Variants in NAA15 observed in about 807,000 individuals in gnomAD.
The protein encoded by NAA15 is N-alpha-acetyltransferase 15, NatA auxiliary subunit, also known as N-terminal acetyltransferase.
In NAA15, 34 loss-of-function variants were observed where a neutral mutation model predicts 114.0. The ratio of observed to expected loss-of-function variants is 0.30; its 90% confidence interval spans 0.23 to 0.40. The LOEUF (loss-of-function observed/expected upper bound fraction) is 0.40, where lower values mean the gene tolerates loss of function less well. Ranked by LOEUF, NAA15 falls within the 10% of genes least tolerant of loss-of-function variation. The probability of loss-of-function intolerance (pLI) is 1.00; values close to 1 mark genes in which losing one functional copy is unlikely to be tolerated. For synonymous variants in NAA15, 340 were observed against 338.0 expected, an observed-to-expected ratio of 1.01 and a Z score of -0.06; for missense variants, 658 against 1,004.5, an observed-to-expected ratio of 0.66 and a Z score of 4.66.
At chr4:139,365,339 A>G (rs1274966281) in intron 14 of NAA15, among the ~76,000 whole-genome samples, 5 of 151,938 alleles carry the variant, frequency 3.3e-5, no homozygotes, top group Admixed American at 3.3e-4. Context: ...CATGCGGCCT[A>G]CATTTGTCTT....
intron 14 of NAA15, among the ~76,000 whole-genome samples, chr4:139,366,657 G>A (rs1748294640): frequency 6.7e-6 from 1 of 150,294 alleles, no homozygotes; most frequent in Non-Finnish European, 1.5e-5. Context: ...CTTCCAGGCT[G>A]GAGTGCAGAG....
intron 3 of NAA15, among the ~76,000 whole-genome samples, chr4:139,340,621 C>T (rs1286311256): frequency 6.6e-6 from 1 of 152,136 alleles, no homozygotes; most frequent in African/African-American, 2.4e-5. Context: ...TGATTTGCTG[C>T]ATAGACTATT....
chr4:139,386,288 G>T, intron 19 of NAA15, 58 bp downstream of exon 19: 1 of 939,692 alleles, frequency 1.1e-6, no homozygotes, highest in Non-Finnish European at 1.7e-6. Context: ...TTCACCAAGA[G>T]AAATAATTGG....
chr4:139,380,347 A>G (rs986174272), intron 17 of NAA15, among the ~76,000 whole-genome samples: 1 of 152,134 alleles, frequency 6.6e-6, no homozygotes, highest in African/African-American at 2.4e-5. Flanking sequence ...CTCAGTTAAG[A>G]TGGAGTATAT....
At chr4:139,329,994 C>T (rs368114096) in intron 1 of NAA15, among the ~76,000 whole-genome samples, 11 of 152,148 alleles carry the variant, frequency 7.2e-5, no homozygotes, top group African/African-American at 1.2e-4. Flanking sequence ...CACAGTCTTG[C>T]GCCACCTGTT....
In NAA15 at chr4:139,301,931, C is replaced by G; in HGVS notation, c.54+100C>G. On this transcript the variant is annotated intron_variant, in intron 1 of 19. Coordinates refer to ENST00000296543, the MANE Select transcript of NAA15 (RefSeq NM_057175.5). ...CGGCGGGCACTGAGCCACTCCCGCC[C>G]GGGACCCCGCCTTCATAGCTCTCGT... 8 of 1,289,772 alleles carry G rather than the reference C, an allele frequency of 6.2e-6. No individual in the cohort carries two copies. In the South Asian group the frequency reaches 1.1e-4, roughly 18 times the overall value. The allele number at this position is 1,289,772 out of a possible 1,614,324, so 79.9% of individuals were successfully genotyped here.
At chr4:139,327,395 G>A (rs138148242) in intron 1 of NAA15, among the ~76,000 whole-genome samples, 77 of 152,154 alleles carry the variant, frequency 5.1e-4, no homozygotes, top group African/African-American at 1.6e-3. Flanking sequence ...GACTACAGGC[G>A]TGCGCTGCCA....
intron 1 of NAA15, among the ~76,000 whole-genome samples, chr4:139,310,095 A>G (rs1356344363): frequency 3.9e-5 from 6 of 152,166 alleles, no homozygotes; most frequent in African/African-American, 1.4e-4. Context: ...ATATCTTTTA[A>G]TATTTCTGCT....
chr4:139,357,583 T>C (rs929474094), intron 11 of NAA15, 28 bp downstream of exon 11: 1 of 1,428,088 alleles, frequency 7.0e-7, no homozygotes, highest in Non-Finnish European at 9.7e-7. Flanking sequence ...TATTTTCTTA[T>C]AAGGTAATGA....
chr4:139,309,803 A>G (rs1385407589), intron 1 of NAA15, among the ~76,000 whole-genome samples: 1 of 152,212 alleles, frequency 6.6e-6, no homozygotes, highest in Non-Finnish European at 1.5e-5. Context: ...ATAGTAGTAG[A>G]TGGACAACAC....
chr4:139,309,960 T>A (rs983232872), intron 1 of NAA15, among the ~76,000 whole-genome samples: 3 of 152,124 alleles, frequency 2.0e-5, no homozygotes, highest in Admixed American at 2.0e-4. Flanking sequence ...TCCAAACTAT[T>A]GGAGCGCTGG....
At chr4:139,361,693 C>T (rs1424825987) in intron 13 of NAA15, 31 bp from the exon 14 acceptor site, 19 of 1,364,528 alleles carry the variant, frequency 1.4e-5, no homozygotes, top group South Asian at 4.4e-5. Context: ...TGCTGTACTT[C>T]GGTATAATAA....
At chr4:139,359,442 C>T (rs896095934) in intron 11 of NAA15, among the ~76,000 whole-genome samples, 1 of 152,076 alleles carries the variant, frequency 6.6e-6, no homozygotes, top group Admixed American at 6.6e-5. Flanking sequence ...TATTCTTTAA[C>T]AATTATTTTT....
chr4:139,331,617 A>ATTT (rs34467609), intron 1 of NAA15, among the ~76,000 whole-genome samples: 3 of 127,862 alleles, frequency 2.3e-5, no homozygotes, highest in East Asian at 2.2e-4. Context: ...TGCCCGGCTA[A>ATTT]TTTTTTTTTT....
At chr4:139,335,167 C>G (rs995736850) in intron 2 of NAA15, among the ~76,000 whole-genome samples, 3 of 151,928 alleles carry the variant, frequency 2.0e-5, no homozygotes, top group Non-Finnish European at 2.9e-5. Context: ...TATGACAAAA[C>G]ATATATTTAA....
At chr4:139,335,102 T>C (rs1454674460) in intron 2 of NAA15, among the ~76,000 whole-genome samples, 1 of 152,180 alleles carries the variant, frequency 6.6e-6, no homozygotes, top group Non-Finnish European at 1.5e-5. Flanking sequence ...GGAGGATTGC[T>C]TGAGGCCAGA....
Position 139,327,264 on chromosome 4 carries a change from G to A in NAA15, c.55-6910G>A, listed in dbSNP as rs1746833375. Among the ~76,000 whole-genome samples the A allele has an allele frequency of 2.0e-5, 3 of 151,890 alleles. No homozygotes were observed. The South Asian group carries it at 6.2e-4, about 32-fold the overall frequency. ...TAAATCTTTGTTTGTTTATTTGTTT[G>A]TTTGAGACAGAGTCTCGCTCTGTCA... On this transcript the variant is annotated intron_variant, in intron 1 of 19. Coordinates refer to ENST00000296543, the MANE Select transcript of NAA15 (RefSeq NM_057175.5).
In NAA15 at chr4:139,370,298, A is replaced by C. The variant is rs1748400079; in HGVS notation, c.1841A>C (p.Asn614Thr). ...GCCCAGATAGAAGAAGAGAAAAAAA[A>C]TGCAGAAAAAGAAAAGCAGCAGAGA... The part of the protein sequence containing the change: ...KKAQIEEEKK[N>T]AEKEKQQRNQ... Residue 614 changes from asparagine to threonine, a missense_variant, in exon 15 of 20, where the codon AAT becomes ACT. By Grantham distance (65) the Asn-to-Thr change is moderately conservative. Coordinates refer to ENST00000296543, the MANE Select transcript of NAA15 (RefSeq NM_057175.5). 2 of 1,598,520 alleles carry C rather than the reference A, an allele frequency of 1.3e-6. No individual in the cohort carries two copies. The highest frequency in any genetic ancestry group is 2.7e-5 in the African/African-American group (2 of 74,280).
At chr4:139,386,076 AG>A (rs771597264) in intron 18 of NAA15, 56 bp from the exon 19 acceptor site, 7 of 855,124 alleles carry the variant, frequency 8.2e-6, no homozygotes, top group Non-Finnish European at 1.3e-5. Context: ...TTAAATAAGT[AG>A]AGGATAAGAT....
Sources: allele counts gnomAD v4.1 joint callset (sites outside exome capture counted in the v4.1 genomes callset), GRCh38; gene constraint gnomAD v4.1.1; transcripts MANE v1.5; gene names NCBI Gene and HGNC (gene_info 2026-07-23, HGNC 2026-07-21).